SSX2IP: variants seen among roughly 807,000 people sequenced by gnomAD.
SSX2IP encodes SSX family member 2 interacting protein, also known as afadin- and alpha-actinin-binding protein.
In SSX2IP, 55 loss-of-function variants were observed where a neutral mutation model predicts 84.9. That is an observed-to-expected ratio of 0.65 (90% CI 0.52 to 0.81). The LOEUF (loss-of-function observed/expected upper bound fraction) is 0.81. Among genes scored for constraint, SSX2IP ranks in the 30% least tolerant of loss-of-function variants. The probability of loss-of-function intolerance (pLI) is 0.00; values close to 1 mark genes in which losing one functional copy is unlikely to be tolerated. For synonymous variants in SSX2IP, 239 were observed against 234.7 expected (o/e 1.02, Z -0.17); for missense variants, 664 against 705.2 (o/e 0.94, Z 0.66).
intron 12 of SSX2IP, 56 bp downstream of exon 12, chr1:84,651,827 T>C (rs1005814578): frequency 6.7e-6 from 7 of 1,045,122 alleles, no homozygotes; most frequent in Admixed American, 2.2e-5. Flanking sequence ...TTTTGTAATA[T>C]GTAAATAATT....
rs1173003505 is a variant in SSX2IP, at chr1:84,671,269, A to C, written c.-50T>G. 6.2e-7 allele frequency: 1 copy of C among 1,601,084 alleles called. No individual in the cohort carries two copies. The highest frequency in any genetic ancestry group is 8.5e-7 in the Non-Finnish European group (1 of 1,174,352). Reference sequence around the variant, plus strand: ...TGAGGAACTAGTTCAGCAGTTAAACATTTAGTCTAGCTGCTGTCACTCTTC... The same window carrying C: ...TGAGGAACTAGTTCAGCAGTTAAACCTTTAGTCTAGCTGCTGTCACTCTTC... On this transcript the variant is annotated 5_prime_UTR_variant, in exon 2 of 14. An upstream start codon of the reference 5' UTR is lost. Transcript: ENST00000342203.
chr1:84,676,966 C>T lies in SSX2IP; in HGVS notation c.-89-5658G>A, dbSNP rs528833857. 2.6e-5 allele frequency among the ~76,000 whole-genome samples: 4 copies of T among 152,128 alleles called. No homozygotes were observed. The East Asian group carries it at 7.7e-4, about 29-fold the overall frequency. On this transcript the variant is annotated intron_variant, in intron 1 of 13. Coordinates refer to ENST00000342203, the MANE Select transcript of SSX2IP (RefSeq NM_001166293.2). Reference sequence around the variant, plus strand: ...CTGACTTCAAGTCATCTGCCCGCCTCGGACTTCCAAAGTGCTGGGATTATA... The same window carrying T: ...CTGACTTCAAGTCATCTGCCCGCCTTGGACTTCCAAAGTGCTGGGATTATA...
intron 5 of SSX2IP, among the ~76,000 whole-genome samples, chr1:84,665,178 G>C (rs1652602413): frequency 6.6e-6 from 1 of 152,048 alleles, no homozygotes; most frequent in Admixed American, 6.6e-5. Context: ...TCCCTGCTAG[G>C]GATCAACATG....
In SSX2IP at chr1:84,658,270, C is replaced by T; in HGVS notation, c.1078+48G>A. The T allele has an allele frequency of 1.9e-6, 3 of 1,604,898 alleles. No individual in the cohort carries two copies. The South Asian group carries it at 3.4e-5, about 18-fold the overall frequency. ...TTTCTAAGTGACTAAAAATCAACAC[C>T]TTACCAAATGTCACAACTCACTTTA... On this transcript the variant is annotated intron_variant, in intron 9 of 13. Coordinates refer to ENST00000342203, the MANE Select transcript of SSX2IP (RefSeq NM_001166293.2).
rs144451605 is a variant in SSX2IP at position 84,649,228 on chromosome 1, G to A, written c.1670+1134C>T. On this transcript the variant is annotated intron_variant, in intron 13 of 13. Coordinates refer to ENST00000342203, the MANE Select transcript of SSX2IP (RefSeq NM_001166293.2). ...TGCTGAACCTGAGTCATAGGTACAC[G>A]TGGGTTCACGATCTTATCCTCTCTG... 1.6e-4 allele frequency among the ~76,000 whole-genome samples: 24 copies of A among 152,254 alleles called. No individual in the cohort carries two copies. In the East Asian group the frequency reaches 2.9e-3, roughly 18 times the overall value.
chr1:84,677,195 C>T (rs937620499), intron 1 of SSX2IP, among the ~76,000 whole-genome samples: 6 of 152,172 alleles, frequency 3.9e-5, no homozygotes, highest in Admixed American at 1.3e-4. Flanking sequence ...ATACAATTCT[C>T]ACTGGAACTT....
chr1:84,651,361 T>A (rs1650221411), intron 12 of SSX2IP, among the ~76,000 whole-genome samples: 1 of 151,986 alleles, frequency 6.6e-6, no homozygotes, highest in African/African-American at 2.4e-5. Context: ...TATTACAAAC[T>A]CACAACAAAA....
intron 13 of SSX2IP, among the ~76,000 whole-genome samples, chr1:84,648,021 TAA>T (rs541111954): frequency 1.1e-3 from 164 of 152,298 alleles, no homozygotes; most frequent in Non-Finnish European, 1.9e-3. Flanking sequence ...ATGATCAAAC[TAA>T]GTTTTTTAGG....
chr1:84,655,336 T>G, intron 11 of SSX2IP: 1 of 1,105,054 alleles, frequency 9.0e-7, no homozygotes, highest in Middle Eastern at 4.0e-4. Context: ...TATTCAGACA[T>G]TACTGCTACA....
chr1:84,685,395 T>C (rs1230276865), intron 1 of SSX2IP, among the ~76,000 whole-genome samples: 3 of 152,242 alleles, frequency 2.0e-5, no homozygotes, highest in African/African-American at 4.8e-5. Context: ...TAGCTAATTA[T>C]GTGAAACTGG....
At chr1:84,665,077 C>G (rs1161990151) in intron 5 of SSX2IP, among the ~76,000 whole-genome samples, 3 of 152,132 alleles carry the variant, frequency 2.0e-5, no homozygotes, top group African/African-American at 7.2e-5. Flanking sequence ...TACTAGGTGC[C>G]AGACACTGCT....
chr1:84,664,981 G>C (rs994821942), intron 5 of SSX2IP, among the ~76,000 whole-genome samples: 4 of 152,098 alleles, frequency 2.6e-5, no homozygotes. Context: ...CAGGTAAGCA[G>C]GCTCGTTTTT....
intron 1 of SSX2IP, among the ~76,000 whole-genome samples, chr1:84,671,782 C>G (rs1426515435): frequency 6.6e-6 from 1 of 152,136 alleles, no homozygotes; most frequent in East Asian, 1.9e-4. Flanking sequence ...TCCATATACT[C>G]CCTCCAGATT....
intron 1 of SSX2IP, among the ~76,000 whole-genome samples, chr1:84,688,448 T>C (rs375177050): frequency 3.8e-4 from 58 of 152,336 alleles, no homozygotes; most frequent in African/African-American, 1.3e-3. Context: ...AATTTAAGCA[T>C]GTTAAATGAA....
chr1:84,651,900 A>G lies in SSX2IP; in HGVS notation c.1487T>C (p.Phe496Ser). The change falls in exon 12 of 14, where the codon TTC becomes TCC. Residue 496 changes from phenylalanine (F) to serine (S), a missense_variant. Physicochemically the swap from Phe to Ser is radical, Grantham distance 155. Transcript: ENST00000342203. The stretch of plus-strand genomic sequence containing the variant: ...GTACTCACTTCCTGAGAAGGCACTG[A>G]AAAGTTTCACATTTTCTGAGTTCTG... ...DHQNSENVKL[F>S]SAFSGSSDWD... The G allele has an allele frequency of 6.2e-7, 1 of 1,613,184 alleles. No individual in the cohort carries two copies. Among genetic ancestry groups the G allele is most frequent in the Middle Eastern group, 1.6e-4 (1 of 6,062 alleles).
At chr1:84,676,943 G>C (rs1654431549) in intron 1 of SSX2IP, among the ~76,000 whole-genome samples, 1 of 152,022 alleles carries the variant, frequency 6.6e-6, no homozygotes, top group Non-Finnish European at 1.5e-5. Flanking sequence ...TTGAACTCCT[G>C]ACTTCAAGTC....
At chr1:84,662,426 T>A in intron 7 of SSX2IP, 29 bp downstream of exon 7, 1 of 1,611,990 alleles carries the variant, frequency 6.2e-7, no homozygotes, top group Non-Finnish European at 8.5e-7. Flanking sequence ...GAAGTCTGAT[T>A]ACATTTATCA....
chr1:84,656,658 A>T (rs893349622), intron 9 of SSX2IP, among the ~76,000 whole-genome samples, 174 bp from the exon 10 acceptor site: 1 of 152,176 alleles, frequency 6.6e-6, no homozygotes, highest in Non-Finnish European at 1.5e-5. Context: ...AGCTATAACA[A>T]AATTAAATTT....
intron 11 of SSX2IP, among the ~76,000 whole-genome samples, chr1:84,654,581 T>C (rs1183713944): frequency 6.6e-6 from 1 of 152,088 alleles, no homozygotes; most frequent in African/African-American, 2.4e-5. Flanking sequence ...ACATGAGATA[T>C]GAGCAACATG....
Sources: allele counts gnomAD v4.1 joint callset (sites outside exome capture counted in the v4.1 genomes callset), GRCh38; gene constraint gnomAD v4.1.1; transcripts MANE v1.5; gene names NCBI Gene and HGNC (gene_info 2026-07-23, HGNC 2026-07-21).